TMEM117: variants seen among roughly 807,000 people sequenced by gnomAD.
TMEM117 encodes the protein transmembrane protein 117.
A neutral mutation model predicts 52.4 loss-of-function variants in TMEM117; 27 were observed. That is an observed-to-expected ratio of 0.51 (90% CI 0.38 to 0.71). TMEM117 has a LOEUF of 0.71. Among genes scored for constraint, TMEM117 ranks in the 30% least tolerant of loss-of-function variants. The pLI is 0.00. For missense variants in TMEM117, 556 were observed against 630.5 expected (o/e 0.88, Z 1.26); for synonymous variants, 215 against 206.3 (o/e 1.04, Z -0.36).
intron 5 of TMEM117, among the ~76,000 whole-genome samples, chr12:44,256,280 A>G (rs1208041868): frequency 6.6e-6 from 1 of 151,830 alleles, no homozygotes; most frequent in Non-Finnish European, 1.5e-5. Flanking sequence ...AAGGAACAAG[A>G]CTTTTGCCTG....
At chr12:44,092,195 T>C (rs950205601) in intron 3 of TMEM117, among the ~76,000 whole-genome samples, 1 of 152,232 alleles carries the variant, frequency 6.6e-6, no homozygotes, top group African/African-American at 2.4e-5. Context: ...AGTATAGAAA[T>C]AAGTCATTCT....
At chr12:43,887,672 G>GA (rs1181579187) in intron 2 of TMEM117, among the ~76,000 whole-genome samples, 1 of 152,106 alleles carries the variant, frequency 6.6e-6, no homozygotes, top group African/African-American at 2.4e-5. Flanking sequence ...GGCCTGGATG[G>GA]AAAAAAATTC....
the TMEM117 span, among the ~76,000 whole-genome samples, chr12:43,824,272 C>A: frequency 1.3e-5 from 2 of 152,206 alleles, no homozygotes; most frequent in Non-Finnish European, 2.9e-5. Flanking sequence ...AGTGATTTCA[C>A]TAAGGCTTGA....
At chr12:43,958,849 C>T (rs1483269076) in intron 3 of TMEM117, among the ~76,000 whole-genome samples, 1 of 152,184 alleles carries the variant, frequency 6.6e-6, no homozygotes, top group Middle Eastern at 3.4e-3. Context: ...CTCTGTCGCC[C>T]TGGCTGGAGT....
intron 7 of TMEM117, among the ~76,000 whole-genome samples, chr12:44,383,663 A>G (rs1952050517): frequency 6.6e-6 from 1 of 152,194 alleles, no homozygotes; most frequent in Non-Finnish European, 1.5e-5. Context: ...AAGCTCTCAT[A>G]TGATTAATGC....
At chr12:44,025,792 T>C (rs1252595318) in intron 3 of TMEM117, among the ~76,000 whole-genome samples, 1 of 152,202 alleles carries the variant, frequency 6.6e-6, no homozygotes, top group East Asian at 1.9e-4. Flanking sequence ...ATTTCAAGTC[T>C]TCTGTCAATT....
chr12:43,821,114 GA>G, the TMEM117 span, among the ~76,000 whole-genome samples: 12,852 of 141,402 alleles, frequency 0.091, 670 homozygotes, highest in African/African-American at 0.13. Context: ...AAAAAAAAAA[GA>G]AAAAAAAAGC....
chr12:43,929,097 TG>T (rs1944830786), intron 2 of TMEM117, among the ~76,000 whole-genome samples: 1 of 151,930 alleles, frequency 6.6e-6, no homozygotes, highest in Non-Finnish European at 1.5e-5. Flanking sequence ...TATAGTCCTT[TG>T]GGTATATACC....
chr12:43,825,896 G>A, the TMEM117 span, among the ~76,000 whole-genome samples: 4 of 152,264 alleles, frequency 2.6e-5, no homozygotes, highest in South Asian at 4.1e-4. Context: ...CTTATGGCTG[G>A]CACATCTCTT....
chr12:44,213,522 T>G (rs1949674541), intron 5 of TMEM117, among the ~76,000 whole-genome samples: 1 of 152,228 alleles, frequency 6.6e-6, no homozygotes. Context: ...CACATGTTTC[T>G]TATTAGTGTA....
chr12:43,872,280 G>C (rs779627074), intron 2 of TMEM117, among the ~76,000 whole-genome samples: 14 of 152,094 alleles, frequency 9.2e-5, no homozygotes, highest in Non-Finnish European at 1.6e-4. Context: ...CTTATATCCT[G>C]TAGTAATCAA....
At chr12:44,273,132 A>G (rs1302170473) in intron 5 of TMEM117, among the ~76,000 whole-genome samples, 1 of 152,010 alleles carries the variant, frequency 6.6e-6, no homozygotes, top group African/African-American at 2.4e-5. Context: ...CAGAAAACCA[A>G]ACACCGCATG....
the TMEM117 span, among the ~76,000 whole-genome samples, chr12:43,820,095 G>T: frequency 3.6e-4 from 55 of 151,116 alleles, no homozygotes; most frequent in Non-Finnish European, 2.2e-4. Context: ...GTAATTACAG[G>T]TGTATTTTTT....
intron 5 of TMEM117, among the ~76,000 whole-genome samples, chr12:44,247,984 G>A (rs139306783): frequency 7.9e-5 from 12 of 152,318 alleles, no homozygotes; most frequent in African/African-American, 2.6e-4. Context: ...CAAGGGAAAG[G>A]TAGGGTTTGA....
At chr12:44,334,111 T>C (rs1184002799) in intron 6 of TMEM117, among the ~76,000 whole-genome samples, 2 of 152,078 alleles carry the variant, frequency 1.3e-5, no homozygotes, top group African/African-American at 4.8e-5. Context: ...ACAATAATGT[T>C]CTTTCTTGGA....
intron 3 of TMEM117, among the ~76,000 whole-genome samples, chr12:43,995,355 C>G (rs1309740558): frequency 6.6e-6 from 1 of 151,460 alleles, no homozygotes; most frequent in Non-Finnish European, 1.5e-5. Context: ...GTTTTTTTCC[C>G]TCTGACTAGA....
intron 3 of TMEM117, among the ~76,000 whole-genome samples, chr12:44,139,641 A>G (rs969452033): frequency 6.6e-6 from 1 of 152,148 alleles, no homozygotes; most frequent in African/African-American, 2.4e-5. Flanking sequence ...AAGATTTTCT[A>G]GATAGTGGAA....
At chr12:43,797,064 C>G in the TMEM117 span, 1 of 1,607,050 alleles carries the variant, frequency 6.2e-7, no homozygotes, top group Non-Finnish European at 8.5e-7. Flanking sequence ...CTCTCTTATA[C>G]TGCATGTGTA....
chr12:44,001,751 G>A (rs1946120124), intron 3 of TMEM117, among the ~76,000 whole-genome samples: 1 of 152,090 alleles, frequency 6.6e-6, no homozygotes, highest in Admixed American at 6.6e-5. Context: ...GGCTGAAGGA[G>A]GGAGTGGGAC....
Sources: gnomAD v4.1 joint callset for allele counts (sites outside exome capture counted in the v4.1 genomes callset) on GRCh38, gnomAD v4.1.1 for gene constraint, MANE v1.5 for transcripts, NCBI Gene and HGNC (gene_info 2026-07-23, HGNC 2026-07-21) for gene names.